CUL3: variants seen among roughly 807,000 people sequenced by gnomAD.
CUL3 encodes the protein cullin-3.
A neutral mutation model predicts 89.1 loss-of-function variants in CUL3; 19 were observed. The observed-to-expected ratio is 0.21, with a 90% CI of 0.15 to 0.31. The LOEUF is 0.31. Ranked by LOEUF, CUL3 falls within the 10% of genes least tolerant of loss-of-function variation. The probability of loss-of-function intolerance (pLI) is 1.00; values close to 1 mark genes in which losing one functional copy is unlikely to be tolerated. For missense variants in CUL3, 469 were observed against 942.3 expected (o/e 0.50, Z 6.58); for synonymous variants, 351 against 308.4 (o/e 1.14, Z -1.45).
intron 13 of CUL3, among the ~76,000 whole-genome samples, chr2:224,489,142 G>A (rs1480051365): frequency 6.6e-6 from 1 of 152,158 alleles, no homozygotes; most frequent in African/African-American, 2.4e-5. Flanking sequence ...CAAACCCATA[G>A]CCAATATCAT....
rs981656184 is a variant in CUL3 at position 224,472,596 on chromosome 2, T to C, written c.*1649A>G. On this transcript the variant is annotated 3_prime_UTR_variant, in exon 16 of 16. Transcript: ENST00000264414. ...CCTGAGAATAATGTTCACAATACTT[T>C]TCATTGGCATCTTAATTGCATCATG... The C allele has an allele frequency of 5.8e-5, 11 of 188,070 alleles. No homozygotes were observed. Among genetic ancestry groups the C allele is most frequent in the Admixed American group, 1.9e-4 (3 of 16,146 alleles). The allele number at this position is 188,070 out of a possible 1,614,324, so 11.7% of individuals were successfully genotyped here.
intron 1 of CUL3, among the ~76,000 whole-genome samples, chr2:224,562,347 GAGA>G (rs1380864312): frequency 2.6e-5 from 4 of 151,872 alleles, no homozygotes; most frequent in African/African-American, 9.7e-5. Flanking sequence ...TCTAACAAAT[GAGA>G]AGAAGAGCCA....
chr2:224,539,208 T>C (rs1014309873), intron 2 of CUL3, among the ~76,000 whole-genome samples: 26 of 152,284 alleles, frequency 1.7e-4, no homozygotes, highest in African/African-American at 4.6e-4. Flanking sequence ...AAGTAAGCAT[T>C]TGAGGAGATC....
At chr2:224,490,633 TGCA>T (rs367854630) in intron 13 of CUL3, among the ~76,000 whole-genome samples, 1 of 151,420 alleles carries the variant, frequency 6.6e-6, no homozygotes, top group East Asian at 2.0e-4. Context: ...GGGTGATGGG[TGCA>T]GCAGACCACC....
chr2:224,508,688 G>C (rs1054887530), intron 6 of CUL3, among the ~76,000 whole-genome samples: 4 of 152,014 alleles, frequency 2.6e-5, no homozygotes, highest in Admixed American at 6.5e-5. Flanking sequence ...GGCGAGACAC[G>C]GTGGCTCACG....
In CUL3 at chr2:224,478,305, T is replaced by C. The variant is rs900396980; in HGVS notation, c.2070A>G (p.Glu690=). The change falls in exon 15 of 16, where the codon GAA becomes GAG. Residue 690 remains glutamate (E), a synonymous_variant. Transcript: ENST00000264414. ...TGTCGTCGTCTACTTTCTGCCTTGT[T>C]TCTTTCCTCTCTGGGTCGGATTCAC... ...KQGESDPERK[E]TRQKVDDDRK... is the part of the protein sequence containing the mutation. 2 of 1,613,628 alleles carry C rather than the reference T, an allele frequency of 1.2e-6. No homozygotes were observed. The highest frequency in any genetic ancestry group is 2.7e-5 in the African/African-American group (2 of 74,930).
chr2:224,530,598 T>C (rs1693661393), intron 3 of CUL3, among the ~76,000 whole-genome samples: 1 of 152,206 alleles, frequency 6.6e-6, no homozygotes, highest in South Asian at 2.1e-4. Flanking sequence ...TACATTAAAT[T>C]TTACCTTAAT....
chr2:224,530,845 T>G (rs966803475), intron 3 of CUL3, among the ~76,000 whole-genome samples: 2 of 152,062 alleles, frequency 1.3e-5, no homozygotes, highest in Non-Finnish European at 2.9e-5. Context: ...AGGCGGAGGC[T>G]GCAGTGAGCA....
At chr2:224,484,564 G>A (rs1157233281) in intron 13 of CUL3, among the ~76,000 whole-genome samples, 1 of 152,030 alleles carries the variant, frequency 6.6e-6, no homozygotes, top group Non-Finnish European at 1.5e-5. Context: ...ATATAGATGT[G>A]TTATCACTTA....
intron 3 of CUL3, among the ~76,000 whole-genome samples, chr2:224,534,798 T>A (rs556110201): frequency 1.3e-5 from 2 of 151,692 alleles, no homozygotes; most frequent in South Asian, 4.2e-4. Context: ...CTGGCTAATG[T>A]GGTGAAACCC....
At chr2:224,518,822 G>A (rs1011911570) in intron 3 of CUL3, among the ~76,000 whole-genome samples, 2 of 151,944 alleles carry the variant, frequency 1.3e-5, no homozygotes, top group East Asian at 1.9e-4. Flanking sequence ...ATTTGCTATC[G>A]GTCTCCCATG....
intron 1 of CUL3, among the ~76,000 whole-genome samples, chr2:224,575,975 T>C (rs1219660998): frequency 2.6e-5 from 4 of 152,168 alleles, no homozygotes; most frequent in East Asian, 1.9e-4. Flanking sequence ...AAAATTAAAA[T>C]AGAGGCTAGA....
intron 2 of CUL3, among the ~76,000 whole-genome samples, chr2:224,554,734 T>C (rs2106299118): frequency 6.6e-6 from 1 of 152,142 alleles, no homozygotes; most frequent in East Asian, 1.9e-4. Context: ...GTTAATTGTG[T>C]TAATTATCAT....
intron 6 of CUL3, among the ~76,000 whole-genome samples, chr2:224,509,636 G>C (rs372210237): frequency 6.6e-6 from 1 of 152,166 alleles, no homozygotes; most frequent in Non-Finnish European, 1.5e-5. Flanking sequence ...CTTCATTCAC[G>C]TAAGTGCTCG....
chr2:224,528,633 A>C (rs1693570768), intron 3 of CUL3, among the ~76,000 whole-genome samples: 1 of 152,118 alleles, frequency 6.6e-6, no homozygotes, highest in Non-Finnish European at 1.5e-5. Flanking sequence ...CTTACTAAGG[A>C]GACTAGAATA....
intron 3 of CUL3, among the ~76,000 whole-genome samples, chr2:224,528,646 A>T (rs187162072): frequency 6.6e-6 from 1 of 152,210 alleles, no homozygotes; most frequent in Non-Finnish European, 1.5e-5. Context: ...CTAGAATACC[A>T]AAAGAGAGTT....
At chr2:224,477,088 TC>T in intron 15 of CUL3, among the ~76,000 whole-genome samples, 1 of 102,760 alleles carries the variant, frequency 9.7e-6, no homozygotes, top group East Asian at 3.5e-4. Flanking sequence ...TACTGACCAC[TC>T]ACTCCTTGTA....
In CUL3 at chr2:224,511,549, C is replaced by T. The variant is rs753824642; in HGVS notation, c.688G>A (p.Ala230Thr). ...ESQKFLAENS[A>T]SVYIKKVEAR... is the part of the protein sequence containing the mutation. ...TCTACTTTCTTTATATATACTGAAG[C>T]ACTATTTTCTGCTAAAAATTTCTGG... The change falls in exon 6 of 16, where the codon GCT becomes ACT. Residue 230 changes from alanine to threonine, a missense_variant. By Grantham distance (58) the Ala-to-Thr change is moderately conservative (BLOSUM62 0). This residue lies in a region of CUL3 where 370 missense variants were observed against 733.2 expected (regional missense o/e 0.50). Coordinates refer to ENST00000264414, the MANE Select transcript of CUL3 (RefSeq NM_003590.5). The T allele has an allele frequency of 4.4e-6, 7 of 1,593,386 alleles. No individual in the cohort carries two copies. Among genetic ancestry groups the T allele is most frequent in the Non-Finnish European group, 6.0e-6 (7 of 1,172,334 alleles).
Position 224,470,997 on chromosome 2 carries a change from C to T in CUL3, c.*3248G>A, listed in dbSNP as rs1191155338. On this transcript the variant is annotated 3_prime_UTR_variant, in exon 16 of 16. Transcript: ENST00000264414. ...ATAATGACAGTTATGTCACATAAAG[C>T]CAATATGACAACTAAATGAATGAAT... is the stretch of plus-strand genomic sequence containing the variant. The T allele has an allele frequency of 8.8e-6, 2 of 227,966 alleles. No homozygotes were observed. The highest frequency in any genetic ancestry group is 6.3e-5 in the East Asian group (1 of 15,796). 14.1% of individuals were successfully genotyped at this position (227,966 alleles called of 1,614,324 possible).
Sources: gnomAD v4.1 joint callset for allele counts (sites outside exome capture counted in the v4.1 genomes callset) on GRCh38, gnomAD v4.1.1 for gene constraint, gnomAD v4.1.1 regional missense constraint, MANE v1.5 for transcripts, NCBI Gene and HGNC (gene_info 2026-07-23, HGNC 2026-07-21) for gene names.